The following ZNF469 variants were observed in gnomAD, a reference collection of about 807,000 sequenced individuals.
ZNF469 encodes the protein zinc finger protein 469.
Under a neutral mutation model 1.0 loss-of-function variants are expected in ZNF469, and 1 was observed. The observed-to-expected ratio is 1.00, with a 90% confidence interval of 0.35 to 4.73. The LOEUF is 4.73. Among genes scored for constraint, ZNF469 ranks in the 30% most tolerant of loss-of-function variants. ZNF469 has a pLI of 0.16. For missense variants in ZNF469, 6,100 were observed against 5,356.3 expected (o/e 1.14, Z -4.33); for synonymous variants, 2,703 against 2,363.4 (o/e 1.14, Z -4.17).
the ZNF469 span, among the ~76,000 whole-genome samples, chr16:88,215,376 C>A: frequency 1.0e-5 from 1 of 98,466 alleles, no homozygotes; most frequent in Non-Finnish European, 2.0e-5. Context: ...TCATATCTTG[C>A]CTTTTAATTT....
chr16:88,210,456 T>C, the ZNF469 span, among the ~76,000 whole-genome samples: 1 of 152,212 alleles, frequency 6.6e-6, no homozygotes, highest in African/African-American at 2.4e-5. Flanking sequence ...GTGGTTCTGT[T>C]TTTATACCGT....
chr16:88,264,257 G>A, the ZNF469 span, among the ~76,000 whole-genome samples: 5 of 152,034 alleles, frequency 3.3e-5, no homozygotes, highest in Non-Finnish European at 7.4e-5. Context: ...ACAGAGAGGA[G>A]CGGACGCCCC....
the ZNF469 span, among the ~76,000 whole-genome samples, chr16:88,342,333 A>T: frequency 6.6e-6 from 1 of 150,396 alleles, no homozygotes; most frequent in Non-Finnish European, 1.5e-5. Flanking sequence ...AGCTCCAGGA[A>T]CCTCAGGAAG....
the ZNF469 span, among the ~76,000 whole-genome samples, chr16:88,242,300 A>G: frequency 6.6e-6 from 1 of 152,188 alleles, no homozygotes; most frequent in Non-Finnish European, 1.5e-5. Context: ...AAAATTCAAA[A>G]TGCATTCAAA....
chr16:88,220,579 C>T, the ZNF469 span, among the ~76,000 whole-genome samples: 3 of 152,178 alleles, frequency 2.0e-5, no homozygotes, highest in South Asian at 2.1e-4. Context: ...AACTGATTCT[C>T]GTGATTTATC....
intron 1 of ZNF469, among the ~76,000 whole-genome samples, chr16:88,394,080 A>C (rs7197908): frequency 0.49 from 38,112 of 77,218 alleles, 11,046 homozygotes; most frequent in African/African-American, 0.71. Flanking sequence ...GCCTGAGAGG[A>C]GCAGGGTTTG....
chr16:88,377,023 G>C, the ZNF469 span, among the ~76,000 whole-genome samples: 1 of 152,272 alleles, frequency 6.6e-6, no homozygotes, highest in Non-Finnish European at 1.5e-5. Context: ...CCCAGCGCAG[G>C]CTGGCTCTCA....
the ZNF469 span, among the ~76,000 whole-genome samples, chr16:88,136,829 C>T: frequency 1.6e-4 from 24 of 152,320 alleles, no homozygotes; most frequent in East Asian, 9.7e-4. Context: ...GAGCTCAGGT[C>T]GGTGCAGTTT....
chr16:88,225,153 C>T, the ZNF469 span, among the ~76,000 whole-genome samples: 9 of 152,254 alleles, frequency 5.9e-5, no homozygotes, highest in African/African-American at 1.4e-4. Context: ...GCCCAACCTC[C>T]GTTCCCCACT....
rs761048739 is a variant in ZNF469 at position 88,436,506 on chromosome 16, T to C, written c.9036T>C (p.Ser3012=). 15 of 1,548,340 alleles carry C rather than the reference T, an allele frequency of 9.7e-6. No homozygotes were observed. The South Asian group carries it at 1.5e-4, about 16-fold the overall frequency. ...MPAPADDSSS[S]LGDVSPEPPS... Reference sequence around the variant, plus strand: ...CCCCTGCCGATGACTCCTCCTCTTCTCTCGGAGATGTGAGCCCCGAGCCCC... The same window carrying C: ...CCCCTGCCGATGACTCCTCCTCTTCCCTCGGAGATGTGAGCCCCGAGCCCC... The change falls in exon 3 of 3, where the codon TCT becomes TCC. Residue 3012 remains serine (S), a synonymous_variant. Coordinates refer to ENST00000565624, the MANE Select transcript of ZNF469 (RefSeq NM_001367624.2).
At chr16:88,380,902 A>ATATG (rs2092521109), upstream of ZNF469, among the ~76,000 whole-genome samples, 1 of 112,242 alleles carries the variant, frequency 8.9e-6, no homozygotes, top group Non-Finnish European at 1.6e-5. Context: ...GCACTCACAC[A>ATATG]CACTCACAGA....
chr16:88,358,281 C>T, the ZNF469 span, among the ~76,000 whole-genome samples: 1 of 152,200 alleles, frequency 6.6e-6, no homozygotes, highest in African/African-American at 2.4e-5. Flanking sequence ...CACGGCCCCG[C>T]AGCTGGAAGG....
At chr16:88,102,687 T>C in the ZNF469 span, among the ~76,000 whole-genome samples, 11 of 152,316 alleles carry the variant, frequency 7.2e-5, no homozygotes, top group South Asian at 2.3e-3. Flanking sequence ...CCTCCCAGAC[T>C]TCAAGGAGTG....
chr16:88,280,552 G>A, the ZNF469 span, among the ~76,000 whole-genome samples: 15 of 147,372 alleles, frequency 1.0e-4, no homozygotes, highest in Admixed American at 2.0e-4. Context: ...GCTGTGCCAC[G>A]CTGATGCTTG....
At position 88,436,195 on chromosome 16, in the gene ZNF469, C is replaced by T. The variant is rs1434253426; in HGVS notation, c.8725C>T (p.Pro2909Ser). 6.5e-7 allele frequency: 1 copy of T among 1,547,950 alleles called. No individual in the cohort carries two copies. The highest frequency in any genetic ancestry group is 1.4e-5 in the African/African-American group (1 of 73,038). The change falls in exon 3 of 3, where the codon CCC becomes TCC. Residue 2909 changes from proline to serine, a missense_variant. Pro to Ser is a moderately conservative substitution (Grantham distance 74, BLOSUM62 -1). Transcript: ENST00000565624. Reference sequence around the variant, plus strand: ...CCCCACGCTGGGCCCAGCCCGCCTGCCCACGGACCTCAGCGACTCCAGCTC... The same window carrying T: ...CCCCACGCTGGGCCCAGCCCGCCTGTCCACGGACCTCAGCGACTCCAGCTC... ...GDPTLGPARL[P>S]TDLSDSSSLC...
At chr16:88,326,129 T>C in the ZNF469 span, among the ~76,000 whole-genome samples, 1 of 152,220 alleles carries the variant, frequency 6.6e-6, no homozygotes, top group Non-Finnish European at 1.5e-5. Context: ...TTTGGCTGTG[T>C]CCCCACCCAA....
the ZNF469 span, among the ~76,000 whole-genome samples, chr16:88,251,867 C>T: frequency 0.014 from 2,204 of 152,020 alleles, 29 homozygotes; most frequent in Non-Finnish European, 0.023. Flanking sequence ...CCCCTGCTCT[C>T]TTCTTATGGC....
chr16:88,416,067 G>A (rs1350249717), intron 1 of ZNF469, among the ~76,000 whole-genome samples: 2 of 152,116 alleles, frequency 1.3e-5, no homozygotes, highest in Non-Finnish European at 2.9e-5. Flanking sequence ...AGGCTGATAT[G>A]ATTCCGAACC....
At chr16:88,177,030 AAGG>A in the ZNF469 span, among the ~76,000 whole-genome samples, 1 of 152,238 alleles carries the variant, frequency 6.6e-6, no homozygotes, top group Non-Finnish European at 1.5e-5. The surrounding 1 kb of genome is among the most constrained non-coding windows in gnomAD (Gnocchi z 4.8). Context: ...CCTCGAGGCA[AAGG>A]AGAAGGCACC....
Sources: allele counts gnomAD v4.1 joint callset (sites outside exome capture counted in the v4.1 genomes callset), GRCh38; gene constraint gnomAD v4.1.1; non-coding constraint Gnocchi (gnomAD v3.1); transcripts MANE v1.5; gene names NCBI Gene and HGNC (gene_info 2026-07-23, HGNC 2026-07-21).